Variants in TRIM2 observed in about 807,000 individuals in gnomAD.
The protein encoded by TRIM2 is tripartite motif-containing protein 2.
In TRIM2, 20 loss-of-function variants were observed where a neutral mutation model predicts 75.2. That is an observed-to-expected ratio of 0.27 (90% confidence interval 0.19 to 0.39). The LOEUF is 0.39. TRIM2 is among the 10% of genes least tolerant of loss of function. TRIM2 has a pLI of 1.00. For synonymous variants in TRIM2, 373 were observed against 388.3 expected, an observed-to-expected ratio of 0.96 and a Z score of 0.46; for missense variants, 660 against 990.8, an observed-to-expected ratio of 0.67 and a Z score of 4.48.
chr4:153,241,033 C>T (rs747105144), intron 1 of TRIM2, among the ~76,000 whole-genome samples: 2 of 152,176 alleles, frequency 1.3e-5, no homozygotes, highest in African/African-American at 2.4e-5. Context: ...GCCGAGATTG[C>T]GCCACTGCAC....
chr4:153,334,705 A>AAAAG (rs1307859208), intron 11 of TRIM2, 109 bp from the exon 12 acceptor site: 1 of 1,111,172 alleles, frequency 9.0e-7, no homozygotes, highest in Non-Finnish European at 1.3e-6. Context: ...GACCCTGTCA[A>AAAAG]AAAGAAAGAA....
Position 153,335,497 on chromosome 4 carries a change from AG to A in TRIM2, c.*533del, listed in dbSNP as rs1772348973. The A allele has an allele frequency of 2.0e-6, 2 of 985,300 alleles. No individual in the cohort carries two copies. The highest frequency in any genetic ancestry group is 3.5e-5 in the African/African-American group (2 of 57,240). 61.0% of individuals were successfully genotyped at this position (985,300 alleles called of 1,614,324 possible). On this transcript the variant is annotated 3_prime_UTR_variant, in exon 12 of 12. Transcript: ENST00000338700. ...AATATAAATTACTTTGGAAAAAGTA[AG>A]GCTGTCTTGCAAAATGATCCCAGCT...
At chr4:153,241,832 G>GGAGGA (rs1746709753) in intron 1 of TRIM2, among the ~76,000 whole-genome samples, 1 of 152,216 alleles carries the variant, frequency 6.6e-6, no homozygotes, top group Admixed American at 6.5e-5. Flanking sequence ...GAGGCCACAC[G>GGAGGA]TATGCCGGAT....
chr4:153,189,617 CT>C (rs1233081640), intron 1 of TRIM2, among the ~76,000 whole-genome samples: 1 of 152,198 alleles, frequency 6.6e-6, no homozygotes, highest in Non-Finnish European at 1.5e-5. Context: ...AGGGAGGCCC[CT>C]TCCTCTGTGC....
At chr4:153,267,748 T>C (rs1294114782) in intron 1 of TRIM2, among the ~76,000 whole-genome samples, 2 of 150,324 alleles carry the variant, frequency 1.3e-5, no homozygotes, top group African/African-American at 4.8e-5. Flanking sequence ...CTTCCTTCCT[T>C]CCTTCTCTCT....
rs149685300 is a variant in TRIM2, at chr4:153,334,417, G to A, written c.2164-397G>A. 4.9e-3 allele frequency among the ~76,000 whole-genome samples: 733 copies of A among 149,312 alleles called. 6 individuals carry two copies. The highest frequency in any genetic ancestry group is 0.017 in the African/African-American group (689 of 40,530). ...TTTCTGCTTTTTTTTTTTAAGAGACGGGGTCTCGCTATTTTGCTCAGGCTG... is the reference window on the plus strand; with the variant it reads ...TTTCTGCTTTTTTTTTTTAAGAGACAGGGTCTCGCTATTTTGCTCAGGCTG... On this transcript the variant is annotated intron_variant, in intron 11 of 11. Transcript: ENST00000338700.
rs1379810238 is a variant in TRIM2 at position 153,241,277 on chromosome 4, G to A, written c.31-29058G>A. Among the ~76,000 whole-genome samples, 6 of 152,252 alleles carry A rather than the reference G, an allele frequency of 3.9e-5. No individual in the cohort carries two copies. In the East Asian group the frequency reaches 9.7e-4, roughly 25 times the overall value. On this transcript the variant is annotated intron_variant, in intron 1 of 11. Coordinates refer to ENST00000338700, the MANE Select transcript of TRIM2 (RefSeq NM_015271.5). Reference sequence around the variant, plus strand: ...AGGAGGCTGTGTTCTCCAGAGCAGCGTTGATCACACAGCTCTGGCTAATGT... The same window carrying A: ...AGGAGGCTGTGTTCTCCAGAGCAGCATTGATCACACAGCTCTGGCTAATGT...
upstream of TRIM2, among the ~76,000 whole-genome samples, chr4:153,199,935 A>G (rs1232885265): frequency 2.3e-5 from 3 of 130,514 alleles, no homozygotes; most frequent in East Asian, 6.3e-4. Context: ...CACCATGGCC[A>G]GCTAATTTTT....
chr4:153,270,574 C>T, intron 2 of TRIM2, 55 bp downstream of exon 2: 6 of 1,434,846 alleles, frequency 4.2e-6, no homozygotes, highest in Non-Finnish European at 5.7e-6. Context: ...CTCCTACAAC[C>T]TACTGCAGGA....
intron 1 of TRIM2, among the ~76,000 whole-genome samples, chr4:153,244,319 C>CTCCTCTTCCTCTTCT (rs1553972979): frequency 4.7e-5 from 1 of 21,136 alleles, no homozygotes; most frequent in Non-Finnish European, 7.8e-5. Flanking sequence ...CCTCCTCCTC[C>CTCCTCTTCCTCTTCT]TCTTCTTCTT....
At chr4:153,175,283 G>A (rs751068615) in intron 1 of TRIM2, among the ~76,000 whole-genome samples, 12 of 152,062 alleles carry the variant, frequency 7.9e-5, no homozygotes, top group Non-Finnish European at 1.5e-4. Flanking sequence ...GCTTCCCAAC[G>A]TGCTGGCATT....
intron 4 of TRIM2, among the ~76,000 whole-genome samples, chr4:153,293,804 T>C (rs749160715): frequency 7.9e-5 from 12 of 152,222 alleles, no homozygotes; most frequent in Non-Finnish European, 1.3e-4. Flanking sequence ...AAATGTTTTA[T>C]GTGGCTAGGG....
At position 153,334,849 on chromosome 4, in the gene TRIM2, T is replaced by G. The variant is rs1772262557; in HGVS notation, c.2199T>G (p.Ile733Met). The G allele has an allele frequency of 6.2e-7, 1 of 1,613,538 alleles. No individual in the cohort carries two copies. The change falls in exon 12 of 12, where the codon ATT becomes ATG. Residue 733 changes from isoleucine to methionine, a missense_variant. Around this residue, in one of 2 missense-constraint regions of TRIM2, gnomAD observed 40 missense variants for 99.8 expected, o/e 0.40. Coordinates refer to ENST00000338700, the MANE Select transcript of TRIM2 (RefSeq NM_015271.5). ...GGAGTGGATCATTTTTGTCCTACATTAACACATCTGCTGACCCACTCTATG... is the reference window on the plus strand; with the variant it reads ...GGAGTGGATCATTTTTGTCCTACATGAACACATCTGCTGACCCACTCTATG... ...FDGSGSFLSYINTSADPLYGP... is the reference protein window; with the variant it reads ...FDGSGSFLSYMNTSADPLYGP...
In TRIM2 at chr4:153,191,205, C is replaced by T. The variant is rs1733154250; in HGVS notation, c.-49+37935C>T. On this transcript the variant is annotated intron_variant, in intron 1 of 11. Coordinates refer to the TRIM2 transcript ENST00000437508. ...CAGCAGGAAGGATTGGTTCTTTTCC[C>T]TTAGTTTTAGTTCAAAAAGTCCAAT... Among the ~76,000 whole-genome samples, 2 of 152,210 alleles carry T rather than the reference C, an allele frequency of 1.3e-5. 1 individual carries two copies. The highest frequency in any genetic ancestry group is 4.1e-4 in the South Asian group (2 of 4,832).
chr4:153,191,174 G>A (rs1733150110), intron 1 of TRIM2, among the ~76,000 whole-genome samples: 1 of 152,250 alleles, frequency 6.6e-6, no homozygotes, highest in Non-Finnish European at 1.5e-5. Context: ...ATCTTATGGA[G>A]TCAAGCAGCA....
chr4:153,324,592 A>G (rs1224626945), intron 10 of TRIM2: 1 of 168,948 alleles, frequency 5.9e-6, no homozygotes, highest in Non-Finnish European at 1.2e-5. Context: ...TTCATACAGT[A>G]TATTTTATAC....
rs757785227 is a variant in TRIM2 at position 153,338,563 on chromosome 4, T to C, written c.*3597T>C. ...CTTTAATATTTTTGATAACTAGAAA[T>C]CTAGTATTGCCATAAAGGAAACTAA... On this transcript the variant is annotated 3_prime_UTR_variant, in exon 12 of 12. Transcript: ENST00000338700. 1.1e-5 allele frequency: 11 copies of C among 984,278 alleles called. No individual in the cohort carries two copies. The highest frequency in any genetic ancestry group is 1.3e-5 in the Non-Finnish European group (11 of 828,530). The allele number at this position is 984,278 out of a possible 1,614,324, so 61.0% of individuals were successfully genotyped here.
Position 153,295,249 on chromosome 4 carries a change from G to A in TRIM2, c.787-64G>A, listed in dbSNP as rs1762542197. On this transcript the variant is annotated intron_variant, in intron 5 of 11. Transcript: ENST00000338700. The surrounding 1 kb of genome is among the most constrained non-coding windows in gnomAD (Gnocchi z 7.2). ...AGAGTCTCCTTCTCGCCGGTGGAGGGCACTGCCCCGGGCTAGGCCCCGCCC... is the reference window on the plus strand; with the variant it reads ...AGAGTCTCCTTCTCGCCGGTGGAGGACACTGCCCCGGGCTAGGCCCCGCCC... 1 of 1,461,696 alleles carries A rather than the reference G, an allele frequency of 6.8e-7. No homozygotes were observed. Among genetic ancestry groups the A allele is most frequent in the Non-Finnish European group, 9.0e-7 (1 of 1,105,692 alleles). The allele number at this position is 1,461,696 out of a possible 1,614,324, so 90.5% of individuals were successfully genotyped here. A position where few individuals can be genotyped will look rare whatever the true frequency, so the allele number is the denominator to read the frequency against.
intron 1 of TRIM2, among the ~76,000 whole-genome samples, chr4:153,233,562 T>G (rs1483849388): frequency 2.0e-5 from 3 of 152,150 alleles, no homozygotes; most frequent in Non-Finnish European, 4.4e-5. Flanking sequence ...TTTTTTGTTT[T>G]TTTAGAGGAA....
Sources: allele counts gnomAD v4.1 joint callset (sites outside exome capture counted in the v4.1 genomes callset), GRCh38; gene constraint gnomAD v4.1.1; regional missense constraint gnomAD v4.1.1; non-coding constraint Gnocchi (gnomAD v3.1); transcripts MANE v1.5; gene names NCBI Gene and HGNC (gene_info 2026-07-23, HGNC 2026-07-21).